The following MKS1 variants were observed in gnomAD, a reference collection of about 807,000 sequenced individuals.
The protein encoded by MKS1 is tectonic-like complex member MKS1.
Under a neutral mutation model 83.7 loss-of-function variants are expected in MKS1, and 70 were observed. The observed-to-expected ratio is 0.84, with a 90% CI of 0.69 to 1.02. MKS1 has a LOEUF of 1.02. MKS1 is among the 50% of genes least tolerant of loss of function. MKS1 has a pLI of 0.00. For synonymous variants in MKS1, 251 were observed against 273.4 expected, an observed-to-expected ratio of 0.92 and a Z score of 0.81; for missense variants, 681 against 726.9, an observed-to-expected ratio of 0.94 and a Z score of 0.73.
Position 58,212,410 on chromosome 17 carries a change from G to T in MKS1, c.883C>A (p.Leu295Ile). ...KDLYGRHKEY[L>I]SSLVGTDFEM... is the part of the protein sequence containing the mutation. ...AAGTCGGTGCCTACGAGGCTGCTGAGATACTCCTTGTGCCGGCCATAAAGC... is the reference window on the plus strand; with the variant it reads ...AAGTCGGTGCCTACGAGGCTGCTGATATACTCCTTGTGCCGGCCATAAAGC... Residue 295 changes from leucine to isoleucine, a missense_variant, in exon 9 of 18, where the codon CTC becomes ATC. By Grantham distance (5) the Leu-to-Ile change is conservative. This residue lies in a region of MKS1 where 365 missense variants were observed against 383.8 expected (regional missense o/e 0.95). Transcript: ENST00000393119. 2 of 1,614,210 alleles carry T rather than the reference G, an allele frequency of 1.2e-6. No individual in the cohort carries two copies. The highest frequency in any genetic ancestry group is 1.7e-6 in the Non-Finnish European group (2 of 1,180,044).
At chr17:58,210,634 G>A in intron 11 of MKS1, 25 bp downstream of exon 11, 5 of 1,603,824 alleles carry the variant, frequency 3.1e-6, no homozygotes, top group Non-Finnish European at 4.3e-6. Context: ...GGGTATAAAA[G>A]GAGAGACTTA....
rs887921200 is a variant in MKS1 at position 58,214,189 on chromosome 17, C to T, written c.644+70G>A. 83 of 1,606,020 alleles carry T rather than the reference C, an allele frequency of 5.2e-5. 1 individual carries two copies. In the Admixed American group the frequency reaches 1.3e-3, roughly 25 times the overall value. On this transcript the variant is annotated intron_variant, in intron 6 of 17. Coordinates refer to ENST00000393119, the MANE Select transcript of MKS1 (RefSeq NM_017777.4). ...CCCCTATAACCTAGGATGATAATAA[C>T]AGGAAGGGGAGAGCTGGTGAGAGGA...
intron 2 of MKS1, 122 bp from the exon 3 acceptor site, chr17:58,216,858 C>A: frequency 1.0e-6 from 1 of 969,950 alleles, no homozygotes; most frequent in East Asian, 2.6e-5. Context: ...TGGAATTCAG[C>A]AATTTAGTAA....
At chr17:58,206,416 C>T (rs1968511107) in intron 16 of MKS1, 36 bp from the exon 17 acceptor site, 1 of 1,613,900 alleles carries the variant, frequency 6.2e-7, no homozygotes, top group African/African-American at 1.3e-5. Context: ...ACGGCTGTCT[C>T]CACCCCTCAG....
Position 58,209,115 on chromosome 17 carries a change from T to A in MKS1, c.1025-532A>T, listed in dbSNP as rs907597686. On this transcript the variant is annotated intron_variant, in intron 11 of 17. Transcript: ENST00000393119. This position sits in a 1 kb window ranked among gnomAD's most constrained non-coding sequence, Gnocchi z 4.1. ...GATCTCTCTTTCTTTTCCCCACATT[T>A]CCCCCTTTTCTTTTTGACAAAACCG... 1.3e-5 allele frequency among the ~76,000 whole-genome samples: 2 copies of A among 151,950 alleles called. No homozygotes were observed. Among genetic ancestry groups the A allele is most frequent in the African/African-American group, 4.8e-5 (2 of 41,322 alleles).
intron 4 of MKS1, among the ~76,000 whole-genome samples, chr17:58,215,160 A>C (rs1055037489): frequency 2.6e-5 from 4 of 152,248 alleles, no homozygotes; most frequent in Non-Finnish European, 4.4e-5. Context: ...GGTGGTTAGA[A>C]AATGCCAAAT....
At position 58,214,270 on chromosome 17, in the gene MKS1, C is replaced by A. The variant is rs769368392; in HGVS notation, c.633G>T (p.Gly211=). The A allele has an allele frequency of 6.2e-7, 1 of 1,614,070 alleles. No individual in the cohort carries two copies. Among genetic ancestry groups the A allele is most frequent in the South Asian group, 1.1e-5 (1 of 91,076 alleles). The part of the protein sequence containing the change: ...LQTMHIMADL[G]PYKKLGYKKY... ...GAAGCGCCACTCACTTTTTATAGGG[C>A]CCCAGGTCTGCCATGATGTGCATTG... Residue 211 remains glycine, a synonymous_variant, in exon 6 of 18, where the codon GGG becomes GGT. Transcript: ENST00000393119.
At chr17:58,217,414 T>G (rs1044286382) in intron 2 of MKS1, among the ~76,000 whole-genome samples, 4 of 152,244 alleles carry the variant, frequency 2.6e-5, no homozygotes, top group African/African-American at 9.6e-5. Flanking sequence ...CATTTTTATC[T>G]TTACTATTTC....
At chr17:58,206,900 G>A (rs1050266886) in intron 15 of MKS1, 185 bp downstream of exon 15, 12 of 778,840 alleles carry the variant, frequency 1.5e-5, no homozygotes, top group Middle Eastern at 3.4e-4. Flanking sequence ...GACCTCCTAC[G>A]ATAGCAGTGT....
In MKS1 at chr17:58,208,649, A is replaced by G; in HGVS notation, c.1025-66T>C. On this transcript the variant is annotated intron_variant, in intron 11 of 17. Transcript: ENST00000393119. Reference sequence around the variant, plus strand: ...GAAAGCAAGTCATTCAGAAAAAGACAGTTTCTTTTTTCTTTTCTTTTTTTT... The same window carrying G: ...GAAAGCAAGTCATTCAGAAAAAGACGGTTTCTTTTTTCTTTTCTTTTTTTT... 5 of 1,443,626 alleles carry G rather than the reference A, an allele frequency of 3.5e-6. No homozygotes were observed. The South Asian group carries it at 3.6e-5, about 10-fold the overall frequency. 89.4% of individuals were successfully genotyped at this position (1,443,626 alleles called of 1,614,324 possible). A position where few individuals can be genotyped will look rare whatever the true frequency, so the allele number is the denominator to read the frequency against.
intron 11 of MKS1, among the ~76,000 whole-genome samples, 194 bp downstream of exon 11, chr17:58,210,465 T>G (rs1447457173): frequency 6.6e-6 from 1 of 152,096 alleles, no homozygotes; most frequent in Non-Finnish European, 1.5e-5. Context: ...CAGTGGGCTC[T>G]GGAAAATGCT....
At chr17:58,213,322 AG>A (rs1260079220) in intron 7 of MKS1, among the ~76,000 whole-genome samples, 1 of 152,250 alleles carries the variant, frequency 6.6e-6, no homozygotes, top group Non-Finnish European at 1.5e-5. Flanking sequence ...TTGAAGTTAC[AG>A]TCAAACTGTA....
Position 58,215,746 on chromosome 17 carries a change from A to G in MKS1, c.417+342T>C, listed in dbSNP as rs555909568. ...CTGAATCCCCTGATGAATTTTATCT[A>G]TATTGTTCCAGACTCCACTACCTGT... On this transcript the variant is annotated intron_variant, in intron 4 of 17. Coordinates refer to ENST00000393119, the MANE Select transcript of MKS1 (RefSeq NM_017777.4). 3 of 345,186 alleles carry G rather than the reference A, an allele frequency of 8.7e-6. No individual in the cohort carries two copies. The East Asian group carries it at 2.1e-4, about 24-fold the overall frequency. 21.4% of individuals were successfully genotyped at this position (345,186 alleles called of 1,614,324 possible).
In MKS1 at chr17:58,207,926, C is replaced by A; in HGVS notation, c.1241G>T (p.Gly414Val). The A allele has an allele frequency of 6.2e-7, 1 of 1,614,062 alleles. No homozygotes were observed. The highest frequency in any genetic ancestry group is 8.5e-7 in the Non-Finnish European group (1 of 1,179,996). ...LDFWQRYRVE[G>V]YGAVVLPATP... ...GGCAGGCAGCACCACAGCCCCATAG[C>A]CTTCCACACGGTACCTCTGCCAGAA... Residue 414 changes from glycine to valine, a missense_variant, in exon 14 of 18, where the codon GGC becomes GTC. Physicochemically the swap from Gly to Val is moderately radical, Grantham distance 109. Coordinates refer to ENST00000393119, the MANE Select transcript of MKS1 (RefSeq NM_017777.4).
intron 9 of MKS1, 43 bp from the exon 10 acceptor site, chr17:58,211,065 G>A (rs1318820678): frequency 1.3e-6 from 2 of 1,597,962 alleles, no homozygotes; most frequent in Non-Finnish European, 1.7e-6. Context: ...GGCCTGGAGG[G>A]AATTGGCACT....
rs935450030 is a variant in MKS1 at position 58,213,034 on chromosome 17, G to A, written c.806C>T (p.Ser269Phe). 1 of 1,614,108 alleles carries A rather than the reference G, an allele frequency of 6.2e-7. No individual in the cohort carries two copies. The highest frequency in any genetic ancestry group is 8.5e-7 in the Non-Finnish European group (1 of 1,180,020). Reference protein sequence around the residue: ...ELWKYTIDNVSPHAQPEEEER... With the variant: ...ELWKYTIDNVFPHAQPEEEER... ...CTCCTCCTCCGGCTGTGCGTGGGGG[G>A]AAACATTGTCGATCGTATATTTCCA... The change falls in exon 8 of 18, where the codon TCC becomes TTC. Residue 269 changes from serine (S) to phenylalanine (F), a missense_variant. Around this residue, in one of 3 missense-constraint regions of MKS1, gnomAD observed 365 missense variants for 383.8 expected, o/e 0.95. Transcript: ENST00000393119.
chr17:58,207,020 C>T (rs1236878510), intron 15 of MKS1, 65 bp downstream of exon 15: 1 of 1,610,162 alleles, frequency 6.2e-7, no homozygotes, highest in African/African-American at 1.3e-5. Flanking sequence ...ACCCAGATCC[C>T]ACCTCCTACA....
Position 58,216,327 on chromosome 17 carries a change from G to A in MKS1, c.262-84C>T, listed in dbSNP as rs530234042. The A allele has an allele frequency of 1.2e-4, 166 of 1,427,270 alleles. 1 individual carries two copies. The African/African-American group carries it at 1.8e-3, about 15-fold the overall frequency. The allele number at this position is 1,427,270 out of a possible 1,614,324, so 88.4% of individuals were successfully genotyped here. ...CTTCTGTAACTGTTTAATCAAATCA[G>A]TTCTACAGAACTGATGCTATCTGAC... On this transcript the variant is annotated intron_variant, in intron 3 of 17. Transcript: ENST00000393119.
At chr17:58,215,145 A>G (rs1002134259) in intron 4 of MKS1, among the ~76,000 whole-genome samples, 13 of 152,254 alleles carry the variant, frequency 8.5e-5, no homozygotes, top group African/African-American at 3.1e-4. Flanking sequence ...TGTTGAAGTT[A>G]ACAAGGTGGT....
Sources: gnomAD v4.1 joint callset for allele counts (sites outside exome capture counted in the v4.1 genomes callset) on GRCh38, gnomAD v4.1.1 for gene constraint, gnomAD v4.1.1 regional missense constraint, Gnocchi (gnomAD v3.1) non-coding constraint, MANE v1.5 for transcripts, NCBI Gene and HGNC (gene_info 2026-07-23, HGNC 2026-07-21) for gene names.